SMG1: variants seen among roughly 807,000 people sequenced by gnomAD.
SMG1 encodes SMG1 nonsense mediated mRNA decay associated PI3K related kinase.
Under a neutral mutation model 419.9 loss-of-function variants are expected in SMG1, and 22 were observed. The ratio of observed to expected loss-of-function variants is 0.05; its 90% CI spans 0.04 to 0.07. The LOEUF (loss-of-function observed/expected upper bound fraction) is 0.07. SMG1 is among the 10% of genes least tolerant of loss of function. The pLI, the probability that SMG1 is intolerant of heterozygous loss-of-function variation, is 1.00. For missense variants in SMG1, 3,185 were observed against 4,342.0 expected, an observed-to-expected ratio of 0.73 and a Z score of 7.49; for synonymous variants, 1,538 against 1,553.5, an observed-to-expected ratio of 0.99 and a Z score of 0.23.
Position 18,816,317 on chromosome 16 carries a change from C to G in SMG1, c.10287G>C (p.Leu3429Phe). 6.2e-7 allele frequency: 1 copy of G among 1,613,228 alleles called. No homozygotes were observed. Among genetic ancestry groups the G allele is most frequent in the Non-Finnish European group, 8.5e-7 (1 of 1,179,286 alleles). ...NRQLGDVKHL[L>F]KAMAKDEEAA... ...TTAGTCTTACCTTAGCCATAGCTTT[C>G]AAGAGATGTTTGACATCTCCAAGCT... Residue 3429 changes from leucine to phenylalanine, a missense_variant, in exon 58 of 63, where the codon TTG becomes TTC. By Grantham distance (22) the Leu-to-Phe change is conservative. Coordinates refer to ENST00000446231, the MANE Select transcript of SMG1 (RefSeq NM_015092.5).
At chr16:18,877,070 C>T (rs982035600) in intron 12 of SMG1, 61 bp downstream of exon 12, 26 of 1,206,958 alleles carry the variant, frequency 2.2e-5, no homozygotes, top group African/African-American at 7.5e-5. Flanking sequence ...TGGTAAGCAA[C>T]ATTAGGTCCA....
chr16:18,848,129 A>G, intron 36 of SMG1, 96 bp from the exon 37 acceptor site: 1 of 1,053,310 alleles, frequency 9.5e-7, no homozygotes, highest in Non-Finnish European at 1.4e-6. Context: ...TTGACTCAAG[A>G]GCACTCATTG....
chr16:18,881,607 T>A (rs1305732527), intron 10 of SMG1, among the ~76,000 whole-genome samples: 1 of 152,202 alleles, frequency 6.6e-6, no homozygotes, highest in Non-Finnish European at 1.5e-5. Flanking sequence ...GGGGTTCATT[T>A]CTTGTGTCTT....
At position 18,864,187 on chromosome 16, in the gene SMG1, C is replaced by CTTTCT. The variant is rs769709597; in HGVS notation, c.3351-44_3351-43insAGAAA. ...GCAGTCTTATTTATTTATCTACTTA[C>CTTTCT]TTTTTTTTTTTTTTTTTTTTTTTTT... On this transcript the variant is annotated intron_variant, in intron 23 of 62. Transcript: ENST00000446231. 2.2e-4 allele frequency: 131 copies of CTTTCT among 598,064 alleles called. No homozygotes were observed. The African/African-American group carries it at 3.6e-3, about 16-fold the overall frequency. 37.0% of individuals were successfully genotyped at this position (598,064 alleles called of 1,614,324 possible).
intron 10 of SMG1, among the ~76,000 whole-genome samples, chr16:18,881,538 C>T (rs1179799501): frequency 1.3e-5 from 2 of 152,182 alleles, no homozygotes; most frequent in Non-Finnish European, 2.9e-5. Flanking sequence ...TCGATTAAAT[C>T]TTTTATGACT....
At position 18,830,033 on chromosome 16, in the gene SMG1, T is replaced by A; in HGVS notation, c.9026A>T (p.Asp3009Val). The change falls in exon 53 of 63, where the codon GAT becomes GTT. Residue 3009 changes from aspartate (D) to valine (V), a missense_variant. Asp to Val is a radical substitution (Grantham distance 152, BLOSUM62 -3). Around this residue, in one of 27 missense-constraint regions of SMG1, gnomAD observed 737 missense variants for 846.6 expected, o/e 0.87. Coordinates refer to ENST00000446231, the MANE Select transcript of SMG1 (RefSeq NM_015092.5). ...TAGCACCTGCCGGTGATTATCATCA[T>A]CAAAAAAATTAACTTGAGTACTCCT... ...EARSTQVNFFDDDNHRQVLEE... is the reference protein window; with the variant it reads ...EARSTQVNFFVDDNHRQVLEE... The A allele has an allele frequency of 1.3e-6, 2 of 1,598,826 alleles. No homozygotes were observed. Among genetic ancestry groups the A allele is most frequent in the South Asian group, 2.3e-5 (2 of 88,786 alleles).
At chr16:18,920,909 C>T (rs958690004) in intron 1 of SMG1, among the ~76,000 whole-genome samples, 5 of 151,866 alleles carry the variant, frequency 3.3e-5, no homozygotes, top group South Asian at 2.1e-4. Context: ...AGGCCGAAGC[C>T]GGTGGATCAC....
chr16:18,892,257 C>T lies in SMG1; in HGVS notation c.510G>A (p.Lys170=), dbSNP rs180874360. The part of the protein sequence containing the change: ...DDRDRRLATV[K]QLKEFIQQPE... ...GTTGCTGAATAAATTCTTTCAACTG[C>T]TTTACAGTAGCCAATCTTCGGTCTC... The change falls in exon 4 of 63, where the codon AAG becomes AAA. Residue 170 remains lysine (K), a synonymous_variant. Transcript: ENST00000446231. 125 of 1,551,262 alleles carry T rather than the reference C, an allele frequency of 8.1e-5. No homozygotes were observed. In the African/African-American group the frequency reaches 1.6e-3, roughly 20 times the overall value.
intron 39 of SMG1, 130 bp from the exon 40 acceptor site, chr16:18,842,584 G>C: frequency 2.4e-6 from 2 of 844,060 alleles, no homozygotes; most frequent in East Asian, 2.7e-5. Flanking sequence ...CAGCACTTTG[G>C]GAGGCCGAGG....
Position 18,835,146 on chromosome 16 carries a change from A to G in SMG1, c.8076T>C (p.Ala2692=), listed in dbSNP as rs904304287. The G allele has an allele frequency of 5.0e-6, 8 of 1,609,250 alleles. No individual in the cohort carries two copies. Among genetic ancestry groups the G allele is most frequent in the Non-Finnish European group, 6.8e-6 (8 of 1,175,924 alleles). The change falls in exon 49 of 63, where the codon GCT becomes GCC. Residue 2692 remains alanine (A), a synonymous_variant. Coordinates refer to ENST00000446231, the MANE Select transcript of SMG1 (RefSeq NM_015092.5). Reference sequence around the variant, plus strand: ...GACACACTGTTGGGGGTGGCTGGGGAGCATATTGCATTTCATATCTATAAA... The same window carrying G: ...GACACACTGTTGGGGGTGGCTGGGGGGCATATTGCATTTCATATCTATAAA... ...ELYRKYEMQY[A]PQPPPTVCQF... is the part of the protein sequence containing the mutation.
At chr16:18,809,732 A>C (rs1362995377) in intron 62 of SMG1, 86 bp from the exon 63 acceptor site, 11 of 1,056,706 alleles carry the variant, frequency 1.0e-5, no homozygotes, top group Non-Finnish European at 1.6e-5. Context: ...AAATTATGCC[A>C]AAAGTTAAGT....
chr16:18,924,625 T>G (rs1231290662), intron 1 of SMG1, among the ~76,000 whole-genome samples: 1 of 152,192 alleles, frequency 6.6e-6, no homozygotes, highest in Admixed American at 6.6e-5. Flanking sequence ...AACTCTTAAG[T>G]GGTACAAGAC....
Position 18,853,480 on chromosome 16 carries a change from A to G in SMG1, c.4768+103T>C, listed in dbSNP as rs905287344. ...AAATAAACTCAACTTCCACAGATAT[A>G]CTTTTTATGGAAAATTATAGCCAGC... is the stretch of plus-strand genomic sequence containing the variant. On this transcript the variant is annotated intron_variant, in intron 31 of 62. Coordinates refer to ENST00000446231, the MANE Select transcript of SMG1 (RefSeq NM_015092.5). 9 of 1,052,766 alleles carry G rather than the reference A, an allele frequency of 8.5e-6. No homozygotes were observed. In the African/African-American group the frequency reaches 1.4e-4, roughly 17 times the overall value. The allele number at this position is 1,052,766 out of a possible 1,614,324, so 65.2% of individuals were successfully genotyped here.
intron 11 of SMG1, chr16:18,879,031 T>C (rs1406712787): frequency 2.0e-5 from 4 of 199,438 alleles, no homozygotes; most frequent in Non-Finnish European, 3.1e-5. Context: ...GCATTAAAAA[T>C]AAAAGTAAAT....
At chr16:18,882,929 G>A (rs2036462430) in intron 9 of SMG1, among the ~76,000 whole-genome samples, 1 of 152,176 alleles carries the variant, frequency 6.6e-6, no homozygotes, top group African/African-American at 2.4e-5. Flanking sequence ...GGATAACAAG[G>A]GGAAGCATCT....
rs1480383984 is a variant in SMG1 at position 18,836,219 on chromosome 16, G to A, written c.7778-7C>T. The A allele has an allele frequency of 6.2e-7, 1 of 1,610,470 alleles. No individual in the cohort carries two copies. Among genetic ancestry groups the A allele is most frequent in the South Asian group, 1.1e-5 (1 of 90,666 alleles). ...GGCACGTAACTTGGAGGACCTTTTG[G>A]TAAAAGACATTATTAAACACAGTAA... On this transcript the variant is annotated splice_polypyrimidine_tract_variant and splice_region_variant and intron_variant, in intron 47 of 62. Transcript: ENST00000446231.
At position 18,850,404 on chromosome 16, in the gene SMG1, C is replaced by T. The variant is rs114904420; in HGVS notation, c.5116G>A (p.Val1706Ile). 9.6e-4 allele frequency: 1,555 copies of T among 1,613,944 alleles called. 11 individuals carry two copies. In the African/African-American group the frequency reaches 0.017, roughly 18 times the overall value. ...CTTGATATCAACTGACGCCAGATAA[C>T]ATCAACCATGTCATCTTCTTCGTTG... Reference protein sequence around the residue: ...EDNEEDDMVDVIWRQLISSCP... With the variant: ...EDNEEDDMVDIIWRQLISSCP... The change falls in exon 34 of 63, where the codon GTT becomes ATT. Residue 1706 changes from valine to isoleucine, a missense_variant. Around this residue, in one of 27 missense-constraint regions of SMG1, gnomAD observed 493 missense variants for 552.9 expected, o/e 0.89. Coordinates refer to ENST00000446231, the MANE Select transcript of SMG1 (RefSeq NM_015092.5).
chr16:18,873,838 C>T (rs2035958446), intron 13 of SMG1, among the ~76,000 whole-genome samples: 1 of 152,196 alleles, frequency 6.6e-6, no homozygotes, highest in South Asian at 2.1e-4. Flanking sequence ...ACTGCCAAGA[C>T]ACTCCATTCC....
intron 6 of SMG1, among the ~76,000 whole-genome samples, chr16:18,888,160 G>A (rs1441986881): frequency 1.9e-5 from 1 of 52,494 alleles, no homozygotes; most frequent in African/African-American, 7.3e-5. Flanking sequence ...GCAAGACTCT[G>A]CATCAAAAAA....
Sources: gnomAD v4.1 joint callset for allele counts (sites outside exome capture counted in the v4.1 genomes callset) on GRCh38, gnomAD v4.1.1 for gene constraint, gnomAD v4.1.1 regional missense constraint, MANE v1.5 for transcripts, NCBI Gene and HGNC (gene_info 2026-07-23, HGNC 2026-07-21) for gene names.